FNDC3B: variants seen among roughly 807,000 people sequenced by gnomAD.
The protein encoded by FNDC3B is fibronectin type III domain containing 3B, also known as fibronectin type III domain-containing protein 3B.
In FNDC3B, 12 loss-of-function variants were observed where a neutral mutation model predicts 151.5. The ratio of observed to expected loss-of-function variants is 0.08; its 90% CI spans 0.05 to 0.13. The LOEUF is 0.13. Among genes scored for constraint, FNDC3B ranks in the 10% least tolerant of loss-of-function variants. FNDC3B has a pLI of 1.00. For missense variants in FNDC3B, 1,214 were observed against 1,505.3 expected, an observed-to-expected ratio of 0.81 and a Z score of 3.20; for synonymous variants, 528 against 549.0, an observed-to-expected ratio of 0.96 and a Z score of 0.54.
At chr3:172,290,675 T>G (rs143964821) in intron 7 of FNDC3B, among the ~76,000 whole-genome samples, 2 of 152,324 alleles carry the variant, frequency 1.3e-5, no homozygotes, top group Admixed American at 1.3e-4. Context: ...GAGGAACACT[T>G]CCCCTGTAAG....
At chr3:172,110,763 A>G (rs1405769801) in intron 1 of FNDC3B, among the ~76,000 whole-genome samples, 4 of 152,028 alleles carry the variant, frequency 2.6e-5, no homozygotes, top group African/African-American at 9.7e-5. Flanking sequence ...AGATCCTTAT[A>G]CTCAGACCCC....
chr3:172,319,579 A>C (rs981351553), intron 11 of FNDC3B, among the ~76,000 whole-genome samples: 7 of 152,160 alleles, frequency 4.6e-5, no homozygotes, highest in African/African-American at 1.4e-4. Context: ...CTTACCTTTG[A>C]AACATCCTCT....
chr3:172,163,655 C>T (rs935005466), intron 3 of FNDC3B, among the ~76,000 whole-genome samples: 1 of 152,066 alleles, frequency 6.6e-6, no homozygotes. Context: ...GGTAGCTGTT[C>T]GTTCATTTTT....
chr3:172,267,540 T>C (rs1484247230), intron 6 of FNDC3B, among the ~76,000 whole-genome samples: 1 of 152,230 alleles, frequency 6.6e-6, no homozygotes. Context: ...TGAGTTGTGC[T>C]GTGGACGTGC....
chr3:172,378,446 CTATG>C lies in FNDC3B; in HGVS notation c.3175+14_3175+17del. On this transcript the variant is annotated intron_variant, in intron 24 of 25. Coordinates refer to ENST00000415807, the MANE Select transcript of FNDC3B (RefSeq NM_022763.4). ...CCCCCCACCATCAAAGGTGTGTAGA[CTATG>C]TATTCTTTCTCGCTCTCTTGTGAGA... 1 of 1,589,594 alleles carries C rather than the reference CTATG, an allele frequency of 6.3e-7. No homozygotes were observed. Among genetic ancestry groups the C allele is most frequent in the Non-Finnish European group, 8.5e-7 (1 of 1,170,362 alleles).
chr3:172,180,664 G>T (rs909440395), intron 3 of FNDC3B, among the ~76,000 whole-genome samples: 1 of 152,208 alleles, frequency 6.6e-6, no homozygotes, highest in African/African-American at 2.4e-5. Flanking sequence ...AAGTTAGCTA[G>T]CGGGTTTGAT....
At chr3:172,095,777 CTT>C (rs1719061574) in intron 1 of FNDC3B, among the ~76,000 whole-genome samples, 1 of 135,060 alleles carries the variant, frequency 7.4e-6, no homozygotes, top group African/African-American at 2.8e-5. Flanking sequence ...CTTCTAGACT[CTT>C]TTCTTTGTTA....
At chr3:172,194,790 T>C (rs1724741260) in intron 3 of FNDC3B, among the ~76,000 whole-genome samples, 1 of 152,252 alleles carries the variant, frequency 6.6e-6, no homozygotes. Context: ...ATACATTTAA[T>C]GAGTTTAAAT....
intron 7 of FNDC3B, 117 bp from the exon 8 acceptor site, chr3:172,295,246 A>C: frequency 1.1e-6 from 1 of 938,060 alleles, no homozygotes; most frequent in Non-Finnish European, 1.6e-6. Flanking sequence ...GATGTCTTTC[A>C]TTGTAATTAA....
At chr3:172,395,173 G>A (rs1034843908) in intron 25 of FNDC3B, among the ~76,000 whole-genome samples, 1 of 152,064 alleles carries the variant, frequency 6.6e-6, no homozygotes, top group African/African-American at 2.4e-5. Context: ...ATAGAGTTCC[G>A]TTAATTTTAT....
chr3:172,272,996 T>G (rs1289471819), intron 6 of FNDC3B, among the ~76,000 whole-genome samples: 1 of 152,236 alleles, frequency 6.6e-6, no homozygotes, highest in Non-Finnish European at 1.5e-5. Flanking sequence ...TTCTCTAGTT[T>G]ATTTCACTTT....
intron 4 of FNDC3B, among the ~76,000 whole-genome samples, chr3:172,227,571 T>C (rs1419999324): frequency 1.3e-5 from 2 of 152,252 alleles, no homozygotes; most frequent in Non-Finnish European, 2.9e-5. Flanking sequence ...TAAAATGTTC[T>C]GCATGGCTGG....
At position 172,298,752 on chromosome 3, in the gene FNDC3B, G is replaced by T. The variant is rs1166732167; in HGVS notation, c.1026G>T (p.Leu342=). 6.2e-7 allele frequency: 1 copy of T among 1,608,318 alleles called. No homozygotes were observed. Among genetic ancestry groups the T allele is most frequent in the Admixed American group, 1.7e-5 (1 of 58,846 alleles). ...IYSGEELECN[L]KDLRPATDYH... Reference sequence around the variant, plus strand: ...GTGGAGAAGAATTAGAATGTAACCTGAAAGATCTTAGACCAGCAACAGATT... The same window carrying T: ...GTGGAGAAGAATTAGAATGTAACCTTAAAGATCTTAGACCAGCAACAGATT... The change falls in exon 9 of 26, where the codon CTG becomes CTT. Residue 342 remains leucine, a synonymous_variant. Transcript: ENST00000415807.
chr3:172,073,473 C>T (rs1221567225), intron 1 of FNDC3B, among the ~76,000 whole-genome samples: 2 of 152,174 alleles, frequency 1.3e-5, no homozygotes, highest in African/African-American at 4.8e-5. Context: ...TTAGGTAAAT[C>T]ATTTAGTTGC....
At chr3:172,318,300 C>G (rs1016184019) in intron 11 of FNDC3B, among the ~76,000 whole-genome samples, 2 of 152,214 alleles carry the variant, frequency 1.3e-5, no homozygotes, top group African/African-American at 4.8e-5. Flanking sequence ...CCAGGCAGGC[C>G]CAGCAGTCCT....
chr3:172,053,965 C>T (rs1208249067), intron 1 of FNDC3B, among the ~76,000 whole-genome samples: 1 of 152,026 alleles, frequency 6.6e-6, no homozygotes, highest in Non-Finnish European at 1.5e-5. Context: ...AAATTTGAGA[C>T]AGTTGGTTAA....
At chr3:172,108,685 C>T (rs1382340301) in intron 1 of FNDC3B, among the ~76,000 whole-genome samples, 3 of 152,236 alleles carry the variant, frequency 2.0e-5, no homozygotes, top group African/African-American at 7.2e-5. Flanking sequence ...GATGGTTTTG[C>T]AATGTGGTTT....
chr3:172,217,569 A>G (rs1726053883), intron 3 of FNDC3B, among the ~76,000 whole-genome samples: 4 of 152,198 alleles, frequency 2.6e-5, no homozygotes, highest in Admixed American at 2.6e-4. Flanking sequence ...ATCTTGCACA[A>G]TGAATGTTGA....
chr3:172,250,230 G>A (rs113813540), intron 5 of FNDC3B, among the ~76,000 whole-genome samples: 8 of 152,274 alleles, frequency 5.3e-5, no homozygotes, highest in African/African-American at 1.9e-4. Context: ...AATGTGCATA[G>A]TAAAGTCAGG....
Sources: allele counts gnomAD v4.1 joint callset (sites outside exome capture counted in the v4.1 genomes callset), GRCh38; gene constraint gnomAD v4.1.1; transcripts MANE v1.5; gene names NCBI Gene and HGNC (gene_info 2026-07-23, HGNC 2026-07-21).